The following SMC5 variants were observed in gnomAD, a reference collection of about 807,000 sequenced individuals.
SMC5 encodes structural maintenance of chromosomes 5.
Under a neutral mutation model 148.3 loss-of-function variants are expected in SMC5, and 88 were observed. The observed-to-expected ratio is 0.59, with a 90% CI of 0.50 to 0.71. SMC5 has a LOEUF of 0.71. Ranked by LOEUF, SMC5 falls within the 30% of genes least tolerant of loss-of-function variation. The pLI, the probability that SMC5 is intolerant of heterozygous loss-of-function variation, is 0.00. For synonymous variants in SMC5, 421 were observed against 432.8 expected (o/e 0.97, Z 0.34); for missense variants, 1,142 against 1,298.9 (o/e 0.88, Z 1.86).
At chr9:70,297,340 C>T (rs2035228604) in intron 8 of SMC5, among the ~76,000 whole-genome samples, 1 of 152,186 alleles carries the variant, frequency 6.6e-6, no homozygotes, top group Non-Finnish European at 1.5e-5. Flanking sequence ...CACCATCATT[C>T]CTGACTCTCT....
chr9:70,349,242 T>G (rs1271458521), intron 22 of SMC5, among the ~76,000 whole-genome samples: 1 of 152,124 alleles, frequency 6.6e-6, no homozygotes, highest in Non-Finnish European at 1.5e-5. Flanking sequence ...AATTTTTGTA[T>G]TTTTAGTAGA....
intron 2 of SMC5, 113 bp from the exon 3 acceptor site, chr9:70,267,810 C>A: frequency 2.4e-6 from 2 of 848,856 alleles, no homozygotes; most frequent in South Asian, 1.7e-5. Context: ...AGCGAACATA[C>A]AAGTGGTACC....
At chr9:70,345,006 A>G (rs1336550481) in intron 18 of SMC5, among the ~76,000 whole-genome samples, 1 of 152,152 alleles carries the variant, frequency 6.6e-6, no homozygotes, top group Admixed American at 6.5e-5. Context: ...CAATTGATTT[A>G]TTTTATGATA....
At chr9:70,323,349 T>C (rs952127929) in intron 15 of SMC5, 134 bp from the exon 16 acceptor site, 11 of 737,532 alleles carry the variant, frequency 1.5e-5, no homozygotes, top group Non-Finnish European at 1.8e-5. Context: ...TATTGATTGA[T>C]CGGTTATGGG....
chr9:70,342,940 C>A (rs1373653021), intron 17 of SMC5, among the ~76,000 whole-genome samples: 1 of 152,134 alleles, frequency 6.6e-6, no homozygotes, highest in Non-Finnish European at 1.5e-5. Flanking sequence ...TTCCTTATTT[C>A]TTGTCATTTA....
Position 70,314,809 on chromosome 9 carries a change from C to A in SMC5, c.1646C>A (p.Ala549Glu). Residue 549 changes from alanine to glutamate, a missense_variant, in exon 12 of 25, where the codon GCA (alanine) becomes GAA (glutamate). Ala to Glu is a moderately radical substitution (Grantham distance 107). Around this residue, in one of 5 missense-constraint regions of SMC5, gnomAD observed 743 missense variants for 835.7 expected, o/e 0.89. Coordinates refer to ENST00000361138, the MANE Select transcript of SMC5 (RefSeq NM_015110.4). ...IAPKSSYADK[A>E]PSRSLNELKQ... ...CCCAAGAGTTCATATGCAGACAAAG[C>A]ACCTTCAAGATCTTTGAATGAACTT... The A allele has an allele frequency of 6.4e-7, 1 of 1,567,722 alleles. No homozygotes were observed. The highest frequency in any genetic ancestry group is 8.7e-7 in the Non-Finnish European group (1 of 1,155,410).
At chr9:70,299,658 C>T (rs1036789125) in intron 9 of SMC5, among the ~76,000 whole-genome samples, 1 of 128,840 alleles carries the variant, frequency 7.8e-6, no homozygotes, top group Non-Finnish European at 1.8e-5. Context: ...ATTTCATCAT[C>T]CCCCCCCCTT....
intron 3 of SMC5, among the ~76,000 whole-genome samples, chr9:70,274,413 CTCTA>C (rs1183899433): frequency 6.6e-6 from 1 of 151,948 alleles, no homozygotes; most frequent in African/African-American, 2.4e-5. Context: ...AGGTACTGAC[CTCTA>C]TCTTTCTTTT....
intron 21 of SMC5, 24 bp downstream of exon 21, chr9:70,347,741 T>G (rs367731694): frequency 8.5e-6 from 12 of 1,404,788 alleles, no homozygotes; most frequent in Admixed American, 2.3e-5. Context: ...TTTTAATCTT[T>G]TTATCATGTG....
chr9:70,317,110 T>C (rs1030995933), intron 13 of SMC5, among the ~76,000 whole-genome samples: 1 of 152,118 alleles, frequency 6.6e-6, no homozygotes, highest in Non-Finnish European at 1.5e-5. Flanking sequence ...AAAGATTATC[T>C]TAGCTATCTT....
intron 1 of SMC5, among the ~76,000 whole-genome samples, chr9:70,260,144 G>T (rs769749504): frequency 6.6e-6 from 1 of 150,934 alleles, no homozygotes; most frequent in Non-Finnish European, 1.5e-5. Context: ...TCATACTGTC[G>T]TCCGGGCTGG....
chr9:70,262,647 C>T (rs1292595453), intron 1 of SMC5, among the ~76,000 whole-genome samples: 5 of 152,044 alleles, frequency 3.3e-5, no homozygotes, highest in South Asian at 2.1e-4. Context: ...ATTCAAATAG[C>T]GTTATTGAGG....
chr9:70,348,465 G>GC (rs1280102823), intron 22 of SMC5, among the ~76,000 whole-genome samples: 1 of 152,032 alleles, frequency 6.6e-6, no homozygotes, highest in Non-Finnish European at 1.5e-5. Flanking sequence ...GCTGAGGCAG[G>GC]CAGATAGCTT....
intron 1 of SMC5, among the ~76,000 whole-genome samples, chr9:70,262,302 A>G (rs1451495779): frequency 6.6e-6 from 1 of 152,222 alleles, no homozygotes; most frequent in Admixed American, 6.5e-5. Context: ...TTAGAGGTCT[A>G]AGGAGAGAAT....
At chr9:70,309,318 C>CTTTTTTTT (rs59694037) in intron 11 of SMC5, among the ~76,000 whole-genome samples, 985 of 79,040 alleles carry the variant, frequency 0.012, 85 homozygotes, top group Non-Finnish European at 0.017. Context: ...TTTCCTTTTC[C>CTTTTTTTT]TTTTTTTTTT....
chr9:70,264,001 A>G (rs752797910), intron 1 of SMC5, among the ~76,000 whole-genome samples: 1 of 152,222 alleles, frequency 6.6e-6, no homozygotes, highest in Non-Finnish European at 1.5e-5. Flanking sequence ...TTTGTGTAGT[A>G]TCTTTGATAT....
intron 4 of SMC5, among the ~76,000 whole-genome samples, chr9:70,278,190 G>C (rs1439597605): frequency 6.6e-6 from 1 of 151,522 alleles, no homozygotes; most frequent in African/African-American, 2.4e-5. Flanking sequence ...ATATGTAATA[G>C]ACAGTGATCA....
At chr9:70,296,948 T>C (rs1353091947) in intron 8 of SMC5, among the ~76,000 whole-genome samples, 9 of 152,234 alleles carry the variant, frequency 5.9e-5, no homozygotes, top group Admixed American at 1.3e-4. Flanking sequence ...TATAGACTGA[T>C]GATTAAAATC....
chr9:70,270,144 A>G (rs1401804699), intron 3 of SMC5, among the ~76,000 whole-genome samples: 2 of 152,160 alleles, frequency 1.3e-5, no homozygotes, highest in African/African-American at 2.4e-5. Context: ...TGTGCCCTGT[A>G]CTTCTGACCA....
Sources: allele counts gnomAD v4.1 joint callset (sites outside exome capture counted in the v4.1 genomes callset), GRCh38; gene constraint gnomAD v4.1.1; regional missense constraint gnomAD v4.1.1; transcripts MANE v1.5; gene names NCBI Gene and HGNC (gene_info 2026-07-23, HGNC 2026-07-21).